Variants in RASSF8 observed in about 807,000 individuals in gnomAD.
RASSF8 encodes the protein Ras association domain family member 8.
A neutral mutation model predicts 48.5 loss-of-function variants in RASSF8; 22 were observed. The ratio of observed to expected loss-of-function variants is 0.45; its 90% CI spans 0.32 to 0.65. The LOEUF (loss-of-function observed/expected upper bound fraction) is 0.65, where lower values mean the gene tolerates loss of function less well. Ranked by LOEUF, RASSF8 falls within the 30% of genes least tolerant of loss-of-function variation. The pLI is 0.03. For synonymous variants in RASSF8, 127 were observed against 171.5 expected (o/e 0.74, Z 2.03); for missense variants, 418 against 489.2 (o/e 0.85, Z 1.37).
chr12:26,024,882 G>C (rs1434493670), intron 2 of RASSF8, among the ~76,000 whole-genome samples: 5 of 152,122 alleles, frequency 3.3e-5, no homozygotes, highest in African/African-American at 4.8e-5. Flanking sequence ...GCATGAATCT[G>C]GGAGGCGGAG....
chr12:25,975,703 T>C (rs1245287531), intron 1 of RASSF8, among the ~76,000 whole-genome samples: 1 of 152,078 alleles, frequency 6.6e-6, no homozygotes, highest in Admixed American at 6.6e-5. Flanking sequence ...ATTTTAGAAA[T>C]AGAGATAAAT....
chr12:26,044,792 A>G (rs770653341), intron 2 of RASSF8, among the ~76,000 whole-genome samples: 10 of 152,208 alleles, frequency 6.6e-5, no homozygotes, highest in Non-Finnish European at 1.3e-4. Context: ...TAAACAGTAT[A>G]GCGCCTCCTG....
Position 26,071,012 on chromosome 12 carries a change from A to G in RASSF8, c.*2194A>G, listed in dbSNP as rs1229176779. The G allele has an allele frequency of 1.7e-5, 17 of 985,192 alleles. No homozygotes were observed. The highest frequency in any genetic ancestry group is 2.0e-5 in the Non-Finnish European group (17 of 829,826). The allele number at this position is 985,192 out of a possible 1,614,324, so 61.0% of individuals were successfully genotyped here. A position where few individuals can be genotyped will look rare whatever the true frequency, so the allele number is the denominator to read the frequency against. On this transcript the variant is annotated 3_prime_UTR_variant, in exon 6 of 6. Coordinates refer to ENST00000689635, the MANE Select transcript of RASSF8 (RefSeq NM_001394098.1). ...TAACCTCTCTGACAACTTCATCAGA[A>G]TTTCCAAGCTGCCAAATAATCTTCA...
At chr12:26,014,286 G>T (rs576132039) in intron 2 of RASSF8, among the ~76,000 whole-genome samples, 1 of 152,236 alleles carries the variant, frequency 6.6e-6, no homozygotes, top group South Asian at 2.1e-4. Context: ...ATGTGTTCAT[G>T]CTGAGCCTGA....
chr12:26,063,256 A>T (rs1943786448), intron 3 of RASSF8, among the ~76,000 whole-genome samples: 1 of 152,180 alleles, frequency 6.6e-6, no homozygotes, highest in Non-Finnish European at 1.5e-5. Flanking sequence ...AATCTATCTG[A>T]CCCACTCAAA....
intron 1 of RASSF8, among the ~76,000 whole-genome samples, chr12:25,965,456 C>G (rs1941339700): frequency 6.6e-6 from 1 of 151,244 alleles, no homozygotes; most frequent in Non-Finnish European, 1.5e-5. Context: ...CCACTGCCTC[C>G]TAGGTTCAGT....
At chr12:25,980,272 A>G (rs886353054) in intron 1 of RASSF8, among the ~76,000 whole-genome samples, 2 of 152,152 alleles carry the variant, frequency 1.3e-5, no homozygotes, top group African/African-American at 2.4e-5. Flanking sequence ...ATTTGATTGT[A>G]TATTTGCTTT....
chr12:26,031,293 C>T (rs1592286874), intron 2 of RASSF8, among the ~76,000 whole-genome samples: 2 of 152,288 alleles, frequency 1.3e-5, no homozygotes, highest in Middle Eastern at 6.8e-3. Context: ...AAAATTCCAA[C>T]ACCCCAAGAT....
chr12:26,058,538 GCACACACACACA>G (rs61465811), intron 3 of RASSF8, among the ~76,000 whole-genome samples: 1 of 149,104 alleles, frequency 6.7e-6, no homozygotes, highest in East Asian at 1.9e-4. Context: ...ACGCGCGCGC[GCACACACACACA>G]CACACACACA....
chr12:25,983,600 C>T (rs1426061712), intron 1 of RASSF8, among the ~76,000 whole-genome samples: 3 of 151,980 alleles, frequency 2.0e-5, no homozygotes, highest in Admixed American at 6.6e-5. Context: ...ACCATAGTTT[C>T]GAAGGAAACT....
chr12:26,000,122 G>T (rs1250358813), intron 2 of RASSF8, among the ~76,000 whole-genome samples: 2 of 152,112 alleles, frequency 1.3e-5, no homozygotes, highest in Admixed American at 6.5e-5. Context: ...CGGTAAAGAA[G>T]AATAATGAAG....
intron 3 of RASSF8, 66 bp from the exon 4 acceptor site, chr12:26,064,430 ATT>A (rs1231208943): frequency 1.4e-6 from 2 of 1,380,540 alleles, no homozygotes; most frequent in Non-Finnish European, 9.8e-7. Context: ...ATCAAATGGC[ATT>A]CTTACTCCAT....
In RASSF8 at chr12:26,070,313, T is replaced by C. The variant is rs1943972676; in HGVS notation, c.*1495T>C. 1.0e-6 allele frequency: 1 copy of C among 985,324 alleles called. No individual in the cohort carries two copies. The highest frequency in any genetic ancestry group is 4.7e-5 in the South Asian group (1 of 21,292). The allele number at this position is 985,324 out of a possible 1,614,324, so 61.0% of individuals were successfully genotyped here. A position where few individuals can be genotyped will look rare whatever the true frequency, so the allele number is the denominator to read the frequency against. ...ATTTGACTGACTTTGGTTTAGTGAA[T>C]GCTGACAATGCTGCTCTACTTAGGT... On this transcript the variant is annotated 3_prime_UTR_variant, in exon 6 of 6. Transcript: ENST00000689635.
chr12:25,992,814 C>A (rs1942045158), intron 1 of RASSF8, among the ~76,000 whole-genome samples: 2 of 152,166 alleles, frequency 1.3e-5, no homozygotes, highest in African/African-American at 4.8e-5. Flanking sequence ...TCATTGCCTT[C>A]CTAGGTACTC....
At chr12:26,008,259 A>G (rs1942438742) in intron 2 of RASSF8, among the ~76,000 whole-genome samples, 1 of 151,052 alleles carries the variant, frequency 6.6e-6, no homozygotes, top group Non-Finnish European at 1.5e-5. Context: ...CAACACAGCG[A>G]GACTCCGTTT....
In RASSF8 at chr12:26,071,402, GTT is replaced by G; in HGVS notation, c.*2591_*2592del. 1.1e-6 allele frequency: 1 copy of G among 937,790 alleles called. No individual in the cohort carries two copies. Among genetic ancestry groups the G allele is most frequent in the Non-Finnish European group, 1.3e-6 (1 of 786,902 alleles). 58.1% of individuals were successfully genotyped at this position (937,790 alleles called of 1,614,324 possible). A position where few individuals can be genotyped will look rare whatever the true frequency, so the allele number is the denominator to read the frequency against. On this transcript the variant is annotated 3_prime_UTR_variant, in exon 6 of 6. Coordinates refer to ENST00000689635, the MANE Select transcript of RASSF8 (RefSeq NM_001394098.1). ...ACTAAATTAGATTTCAATGTTTTGTGTTTTTTTTAAAAAAATCATATTGCAAC... is the reference window on the plus strand; with the variant it reads ...ACTAAATTAGATTTCAATGTTTTGTGTTTTTTAAAAAAATCATATTGCAAC...
chr12:25,986,950 G>GTTTT (rs1555160455), intron 1 of RASSF8, among the ~76,000 whole-genome samples: 4,137 of 149,694 alleles, frequency 0.028, 171 homozygotes, highest in African/African-American at 0.096. Flanking sequence ...TTGTTTGTTT[G>GTTTT]TTTTGCAACG....
intron 1 of RASSF8, among the ~76,000 whole-genome samples, chr12:25,965,782 G>C (rs1774670698): frequency 6.6e-6 from 1 of 152,178 alleles, no homozygotes; most frequent in African/African-American, 2.4e-5. Flanking sequence ...GAATTATGCA[G>C]TAATATACTT....
In RASSF8 at chr12:26,069,097, A is replaced by G; in HGVS notation, c.*279A>G. 4 of 1,079,114 alleles carry G rather than the reference A, an allele frequency of 3.7e-6. No individual in the cohort carries two copies. In the South Asian group the frequency reaches 9.7e-5, roughly 26 times the overall value. 66.8% of individuals were successfully genotyped at this position (1,079,114 alleles called of 1,614,324 possible). ...AGCATTTTGAGAGCTTTAGGAAAGT[A>G]TTATATAGTGTGTATACATAAATAA... On this transcript the variant is annotated 3_prime_UTR_variant, in exon 6 of 6. Coordinates refer to ENST00000689635, the MANE Select transcript of RASSF8 (RefSeq NM_001394098.1).
Sources: allele counts gnomAD v4.1 joint callset (sites outside exome capture counted in the v4.1 genomes callset), GRCh38; gene constraint gnomAD v4.1.1; transcripts MANE v1.5; gene names NCBI Gene and HGNC (gene_info 2026-07-23, HGNC 2026-07-21).